Variants in ZNF385D observed in about 807,000 individuals in gnomAD.
ZNF385D encodes zinc finger protein 659.
ZNF385D carries 15 observed loss-of-function variants against 35.8 expected under a neutral mutation model. The ratio of observed to expected loss-of-function variants is 0.42; its 90% CI spans 0.28 to 0.64. The LOEUF (loss-of-function observed/expected upper bound fraction) is 0.64, where lower values mean the gene tolerates loss of function less well. Among genes scored for constraint, ZNF385D ranks in the 30% least tolerant of loss-of-function variants. The probability of loss-of-function intolerance (pLI) is 0.23; values close to 1 mark genes in which losing one functional copy is unlikely to be tolerated. For synonymous variants in ZNF385D, 212 were observed against 186.8 expected, an observed-to-expected ratio of 1.13 and a Z score of -1.10; for missense variants, 474 against 494.6, an observed-to-expected ratio of 0.96 and a Z score of 0.39.
chr3:21,598,303 G>GT (rs2125753540), intron 2 of ZNF385D, among the ~76,000 whole-genome samples: 1 of 152,194 alleles, frequency 6.6e-6, no homozygotes, highest in Non-Finnish European at 1.5e-5. Flanking sequence ...TTTCAAAAAG[G>GT]TAAGGATAAG....
intron 2 of ZNF385D, among the ~76,000 whole-genome samples, chr3:21,629,076 G>A (rs1320905834): frequency 6.6e-6 from 1 of 152,092 alleles, no homozygotes; most frequent in Non-Finnish European, 1.5e-5. Flanking sequence ...TGGCTAAAAT[G>A]CAGAGGATCA....
intron 4 of ZNF385D, among the ~76,000 whole-genome samples, chr3:21,446,152 G>A (rs1345450909): frequency 6.6e-6 from 1 of 152,156 alleles, no homozygotes; most frequent in African/African-American, 2.4e-5. Flanking sequence ...AAGTTCCCAG[G>A]TATTGCTGTT....
intron 1 of ZNF385D, among the ~76,000 whole-genome samples, chr3:21,704,924 C>A (rs557291692): frequency 6.6e-6 from 1 of 152,188 alleles, no homozygotes; most frequent in Admixed American, 6.5e-5. Context: ...CAGTGGGGTG[C>A]TATGTCATAT....
intron 2 of ZNF385D, among the ~76,000 whole-genome samples, chr3:22,296,839 T>C (rs1437663255): frequency 6.6e-5 from 10 of 152,118 alleles, no homozygotes; most frequent in Admixed American, 6.6e-4. Flanking sequence ...GGCTGCCAGA[T>C]GTTCTTAAGC....
chr3:21,884,730 C>T (rs185854306), intron 3 of ZNF385D, among the ~76,000 whole-genome samples: 4 of 152,062 alleles, frequency 2.6e-5, no homozygotes, highest in Non-Finnish European at 4.4e-5. Flanking sequence ...TGTGTGCTAA[C>T]GCATAGCTTT....
chr3:21,434,378 A>C (rs1701448700), intron 5 of ZNF385D, among the ~76,000 whole-genome samples: 1 of 152,132 alleles, frequency 6.6e-6, no homozygotes, highest in Non-Finnish European at 1.5e-5. Context: ...TCATATGATG[A>C]ATCCTACATC....
chr3:21,440,237 G>A (rs896208064), intron 4 of ZNF385D, among the ~76,000 whole-genome samples: 9 of 152,010 alleles, frequency 5.9e-5, no homozygotes, highest in Non-Finnish European at 1.3e-4. Flanking sequence ...AATAATTATT[G>A]TCCACACATT....
chr3:22,271,628 C>T (rs939955802), intron 2 of ZNF385D, among the ~76,000 whole-genome samples: 1 of 151,784 alleles, frequency 6.6e-6, no homozygotes, highest in African/African-American at 2.4e-5. Context: ...TGAAACACAA[C>T]TTCATTTCCA....
At chr3:21,865,045 CTTTTTTTTT>C (rs3073907) in intron 3 of ZNF385D, among the ~76,000 whole-genome samples, 2 of 21,198 alleles carry the variant, frequency 9.4e-5, no homozygotes, top group Non-Finnish European at 1.5e-4. Flanking sequence ...ACAGGGAAGA[CTTTTTTTTT>C]TTTTTTTTTT....
chr3:22,165,175 T>G (rs923995387), intron 3 of ZNF385D, among the ~76,000 whole-genome samples: 1 of 152,218 alleles, frequency 6.6e-6, no homozygotes, highest in African/African-American at 2.4e-5. Flanking sequence ...TAGTGATGTG[T>G]TGATGTAGGT....
At chr3:21,901,572 T>C (rs1325570264) in intron 3 of ZNF385D, among the ~76,000 whole-genome samples, 3 of 152,174 alleles carry the variant, frequency 2.0e-5, no homozygotes, top group East Asian at 3.8e-4. Flanking sequence ...TTAGAAACAC[T>C]GCCATTTAAT....
intron 3 of ZNF385D, among the ~76,000 whole-genome samples, chr3:21,913,647 C>T (rs1700067521): frequency 6.6e-6 from 1 of 152,072 alleles, no homozygotes; most frequent in African/African-American, 2.4e-5. Flanking sequence ...AGATGCTATT[C>T]TTTCTGTTTA....
At chr3:22,232,563 G>A (rs1461636656) in intron 2 of ZNF385D, among the ~76,000 whole-genome samples, 1 of 151,968 alleles carries the variant, frequency 6.6e-6, no homozygotes, top group Non-Finnish European at 1.5e-5. Flanking sequence ...GACAGGCCCT[G>A]GTGTGTGATG....
chr3:21,644,741 A>AT (rs1488876718), intron 2 of ZNF385D, among the ~76,000 whole-genome samples: 2 of 152,202 alleles, frequency 1.3e-5, no homozygotes, highest in Non-Finnish European at 2.9e-5. Flanking sequence ...AAGAAAAAAA[A>AT]GTAAATTTCC....
intron 2 of ZNF385D, among the ~76,000 whole-genome samples, chr3:22,236,738 T>G (rs1203663004): frequency 6.6e-6 from 1 of 152,152 alleles, no homozygotes; most frequent in Non-Finnish European, 1.5e-5. Context: ...CCCCGGCAAC[T>G]AGTAATCTAC....
At chr3:21,982,517 T>C (rs1409386653) in intron 3 of ZNF385D, among the ~76,000 whole-genome samples, 1 of 152,190 alleles carries the variant, frequency 6.6e-6, no homozygotes, top group Non-Finnish European at 1.5e-5. Context: ...TATATAATCA[T>C]GTTGTCTGCA....
At chr3:21,684,940 G>T (rs947408106) in intron 1 of ZNF385D, among the ~76,000 whole-genome samples, 8 of 152,150 alleles carry the variant, frequency 5.3e-5, no homozygotes, top group Non-Finnish European at 1.0e-4. Context: ...CAGCAAACTC[G>T]TATGGCAATT....
chr3:21,960,027 A>C, intron 3 of ZNF385D, among the ~76,000 whole-genome samples: 1 of 151,370 alleles, frequency 6.6e-6, no homozygotes. Flanking sequence ...GCCTCCAAAA[A>C]AAAAAAAAAA....
intron 3 of ZNF385D, among the ~76,000 whole-genome samples, chr3:21,850,592 TC>T: frequency 6.6e-6 from 1 of 152,146 alleles, no homozygotes; most frequent in South Asian, 2.1e-4. Flanking sequence ...AGGTAAGACT[TC>T]CCCAAGCCAG....
Sources: allele counts gnomAD v4.1 joint callset (sites outside exome capture counted in the v4.1 genomes callset), GRCh38; gene constraint gnomAD v4.1.1; transcripts MANE v1.5; gene names NCBI Gene and HGNC (gene_info 2026-07-23, HGNC 2026-07-21).